Variants in CDH18 observed in about 807,000 individuals in gnomAD.
CDH18 encodes the protein cadherin-18.
Under a neutral mutation model 67.9 loss-of-function variants are expected in CDH18, and 31 were observed. The ratio of observed to expected loss-of-function variants is 0.46; its 90% CI spans 0.34 to 0.62. CDH18 has a LOEUF of 0.62. Ranked by LOEUF, CDH18 falls within the 20% of genes least tolerant of loss-of-function variation. The probability of loss-of-function intolerance (pLI) is 0.01; values close to 1 mark genes in which losing one functional copy is unlikely to be tolerated. For missense variants in CDH18, 890 were observed against 975.5 expected (o/e 0.91, Z 1.17); for synonymous variants, 362 against 347.2 (o/e 1.04, Z -0.48).
At chr5:19,577,202 A>C (rs2149965992) in intron 7 of CDH18, among the ~76,000 whole-genome samples, 1 of 152,304 alleles carries the variant, frequency 6.6e-6, no homozygotes, top group Middle Eastern at 3.4e-3. Flanking sequence ...ACTTAATAAT[A>C]ATGCATTGTA....
At chr5:20,423,487 A>G (rs1748023037) in intron 1 of CDH18, among the ~76,000 whole-genome samples, 1 of 151,268 alleles carries the variant, frequency 6.6e-6, no homozygotes, top group Non-Finnish European at 1.5e-5. Flanking sequence ...TTGAAAGTCA[A>G]TAACCAAAAT....
Position 19,612,490 on chromosome 5 carries a change from G to A in CDH18, c.755C>T (p.Thr252Ile), listed in dbSNP as rs764877165. 6 of 1,614,110 alleles carry A rather than the reference G, an allele frequency of 3.7e-6. No homozygotes were observed. In the Admixed American group the frequency reaches 8.3e-5, roughly 22 times the overall value. ...ATCGGTTAAGGTGATGTTGACTGTT[G>A]TAGATCCTGAAAGCCCTCCAACTTG... ...AGQVGGLSGS[T>I]TVNITLTDVN... is the part of the protein sequence containing the mutation. The change falls in exon 6 of 13, where the codon ACA becomes ATA. Residue 252 changes from threonine (T) to isoleucine (I), a missense_variant. This residue lies in a region of CDH18 where 656 missense variants were observed against 668.1 expected (regional missense o/e 0.98). Transcript: ENST00000382275.
rs1736234860 is a variant in CDH18 at position 20,165,791 on chromosome 5, G to T, written c.-518+89653C>A. Among the ~76,000 whole-genome samples, 3 of 152,138 alleles carry T rather than the reference G, an allele frequency of 2.0e-5. No individual in the cohort carries two copies. The South Asian group carries it at 6.2e-4, about 32-fold the overall frequency. On this transcript the variant is annotated intron_variant, in intron 2 of 14. Coordinates refer to the CDH18 transcript ENST00000507958. ...GAATAAATCTTGGATGTAATCACAT[G>T]ATAACACATGTATTATCTTCACATA...
chr5:20,500,631 G>A (rs1754198325), intron 1 of CDH18, among the ~76,000 whole-genome samples: 1 of 152,154 alleles, frequency 6.6e-6, no homozygotes, highest in African/African-American at 2.4e-5. Flanking sequence ...TAGTAAGTAT[G>A]CTGTAAATGG....
chr5:19,999,217 TACACACACAC>T (rs149828207), intron 2 of CDH18, among the ~76,000 whole-genome samples: 5 of 149,770 alleles, frequency 3.3e-5, no homozygotes, highest in African/African-American at 7.3e-5. Context: ...AACTATTATT[TACACACACAC>T]ACACACACAC....
chr5:20,314,151 TATTGCCTAAA>T (rs1737256380), intron 1 of CDH18, among the ~76,000 whole-genome samples: 1 of 152,034 alleles, frequency 6.6e-6, no homozygotes, highest in Non-Finnish European at 1.5e-5. Context: ...CTTTATTAAT[TATTGCCTAAA>T]ATTATACTTA....
chr5:19,718,569 C>A (rs1765623704), intron 5 of CDH18, among the ~76,000 whole-genome samples: 1 of 151,966 alleles, frequency 6.6e-6, no homozygotes, highest in Non-Finnish European at 1.5e-5. Context: ...TTTGTGAAGA[C>A]TAATGAACAT....
At chr5:19,894,801 T>C (rs1221287580) in intron 2 of CDH18, among the ~76,000 whole-genome samples, 1 of 152,160 alleles carries the variant, frequency 6.6e-6, no homozygotes, top group Non-Finnish European at 1.5e-5. Flanking sequence ...TGTTCAATGT[T>C]AGTGAACATC....
In CDH18 at chr5:20,055,580, C is replaced by A. The variant is rs1741827563; in HGVS notation, c.-517-63566G>T. Among the ~76,000 whole-genome samples, 2 of 152,168 alleles carry A rather than the reference C, an allele frequency of 1.3e-5. 1 individual carries two copies. Among genetic ancestry groups the A allele is most frequent in the Admixed American group, 1.3e-4 (2 of 15,280 alleles). ...CTGCACTCATGCTCAGACAGTCAGG[C>A]TAAGTGTGCATTTATAAAGTAAGGA... On this transcript the variant is annotated intron_variant, in intron 2 of 14. Coordinates refer to the CDH18 transcript ENST00000507958.
intron 1 of CDH18, among the ~76,000 whole-genome samples, chr5:20,479,849 CA>C (rs1232778544): frequency 6.6e-6 from 1 of 151,844 alleles, no homozygotes; most frequent in Non-Finnish European, 1.5e-5. Context: ...ATTAAATAAT[CA>C]AAGGTCATGA....
chr5:19,875,689 T>G (rs1223051815), intron 2 of CDH18, among the ~76,000 whole-genome samples: 1 of 152,004 alleles, frequency 6.6e-6, no homozygotes, highest in East Asian at 1.9e-4. Context: ...TTGAATCTTT[T>G]ATATTGTTGA....
chr5:19,488,378 C>T (rs1740743548), intron 11 of CDH18, among the ~76,000 whole-genome samples: 1 of 152,060 alleles, frequency 6.6e-6, no homozygotes, highest in South Asian at 2.1e-4. Context: ...CAAGCATAGC[C>T]TGCCAGACCA....
intron 5 of CDH18, among the ~76,000 whole-genome samples, chr5:19,662,575 A>G (rs1303901266): frequency 6.6e-6 from 1 of 152,044 alleles, no homozygotes; most frequent in Middle Eastern, 3.2e-3. Context: ...TGTTTGATAA[A>G]ATAATTAAAA....
Position 20,291,836 on chromosome 5 carries a change from C to A in CDH18, c.-579-36331G>T, listed in dbSNP as rs375580935. 1.7e-4 allele frequency among the ~76,000 whole-genome samples: 26 copies of A among 152,236 alleles called. 1 individual carries two copies. The East Asian group carries it at 2.7e-3, about 16-fold the overall frequency. On this transcript the variant is annotated intron_variant, in intron 1 of 14. Coordinates refer to the CDH18 transcript ENST00000507958. ...CAGGCACCCATTGATCCTAAACTGC[C>A]TTTATTTTATTTACTTTACCATAGA...
intron 1 of CDH18, among the ~76,000 whole-genome samples, chr5:20,389,533 G>A (rs562316454): frequency 9.4e-4 from 143 of 152,078 alleles, no homozygotes; most frequent in African/African-American, 3.2e-3. Context: ...TTTAATTGGA[G>A]CATTTAGCCC....
At chr5:19,603,239 T>C (rs932409972) in intron 6 of CDH18, among the ~76,000 whole-genome samples, 3 of 152,110 alleles carry the variant, frequency 2.0e-5, no homozygotes, top group Non-Finnish European at 4.4e-5. Context: ...AAACATTATG[T>C]TTACCAAAGT....
At chr5:20,215,495 G>T (rs9283760) in intron 2 of CDH18, among the ~76,000 whole-genome samples, 80,378 of 151,102 alleles carry the variant, frequency 0.53, 21,470 homozygotes, top group Middle Eastern at 0.66. Flanking sequence ...TGACAAGGTT[G>T]CAGGGAAAAG....
intron 6 of CDH18, among the ~76,000 whole-genome samples, chr5:19,596,321 A>T (rs1455829696): frequency 1.3e-5 from 2 of 152,230 alleles, no homozygotes; most frequent in Non-Finnish European, 2.9e-5. Flanking sequence ...AGTCACATCT[A>T]TAATGGGACA....
At chr5:20,285,277 C>A (rs1746597778) in intron 1 of CDH18, among the ~76,000 whole-genome samples, 1 of 150,950 alleles carries the variant, frequency 6.6e-6, no homozygotes, top group South Asian at 2.1e-4. Context: ...AATTTTCCAA[C>A]TGTATCAGCA....
Sources: gnomAD v4.1 joint callset for allele counts (sites outside exome capture counted in the v4.1 genomes callset) on GRCh38, gnomAD v4.1.1 for gene constraint, gnomAD v4.1.1 regional missense constraint, MANE v1.5 for transcripts, NCBI Gene and HGNC (gene_info 2026-07-23, HGNC 2026-07-21) for gene names.